Variants in DSCAM observed in about 807,000 individuals in gnomAD.
The protein encoded by DSCAM is cell adhesion molecule DSCAM.
In DSCAM, 47 loss-of-function variants were observed where a neutral mutation model predicts 217.7. The observed-to-expected ratio is 0.22, with a 90% CI of 0.17 to 0.28. The LOEUF is 0.28. Among genes scored for constraint, DSCAM ranks in the 10% least tolerant of loss-of-function variants. DSCAM has a pLI of 1.00. For missense variants in DSCAM, 2,080 were observed against 2,618.3 expected, an observed-to-expected ratio of 0.79 and a Z score of 4.49; for synonymous variants, 1,056 against 1,015.3, an observed-to-expected ratio of 1.04 and a Z score of -0.76.
At chr21:40,483,075 T>A (rs1274335818) in intron 3 of DSCAM, among the ~76,000 whole-genome samples, 1 of 152,254 alleles carries the variant, frequency 6.6e-6, no homozygotes, top group Non-Finnish European at 1.5e-5. Context: ...ACAAATTAGT[T>A]GTGACTAATA....
At chr21:40,597,205 A>G (rs75454244) in intron 3 of DSCAM, among the ~76,000 whole-genome samples, 5,253 of 152,286 alleles carry the variant, frequency 0.034, 250 homozygotes, top group African/African-American at 0.1. Flanking sequence ...GGCTATTACT[A>G]GCTTCAACTA....
chr21:40,141,088 C>T (rs1346142649), intron 18 of DSCAM, among the ~76,000 whole-genome samples: 3 of 152,216 alleles, frequency 2.0e-5, no homozygotes, highest in African/African-American at 4.8e-5. Flanking sequence ...GGCCTATGCT[C>T]GCTGAGCCAG....
intron 10 of DSCAM, among the ~76,000 whole-genome samples, chr21:40,291,460 G>T (rs1339077914): frequency 1.3e-5 from 2 of 152,296 alleles, no homozygotes; most frequent in South Asian, 2.1e-4. Flanking sequence ...GCAGAGCCAG[G>T]TCCTTACAAT....
chr21:40,735,042 A>G (rs757664155), intron 1 of DSCAM, among the ~76,000 whole-genome samples: 11 of 152,232 alleles, frequency 7.2e-5, no homozygotes, highest in Non-Finnish European at 1.6e-4. Context: ...TTTTTAAAAA[A>G]TTGCTAAAGC....
chr21:40,700,949 C>T (rs1201915722), intron 2 of DSCAM, among the ~76,000 whole-genome samples: 1 of 152,046 alleles, frequency 6.6e-6, no homozygotes, highest in African/African-American at 2.4e-5. Flanking sequence ...GTTGGCCGGG[C>T]TGGTCTTGAA....
intron 1 of DSCAM, among the ~76,000 whole-genome samples, chr21:40,826,528 T>C (rs1165845735): frequency 6.6e-6 from 1 of 152,156 alleles, no homozygotes; most frequent in Non-Finnish European, 1.5e-5. Flanking sequence ...AATTCAGCTG[T>C]GAGTTGGCAG....
At chr21:40,808,586 G>C (rs926754541) in intron 1 of DSCAM, among the ~76,000 whole-genome samples, 1 of 150,092 alleles carries the variant, frequency 6.7e-6, no homozygotes, top group African/African-American at 2.5e-5. Flanking sequence ...TGTTCCTCTT[G>C]CTTCAGCCTC....
chr21:40,254,924 G>A (rs940224814), intron 11 of DSCAM, among the ~76,000 whole-genome samples: 39 of 152,014 alleles, frequency 2.6e-4, no homozygotes, highest in African/African-American at 9.4e-4. Flanking sequence ...TTTGGTGCAT[G>A]TTTTAACTGT....
At chr21:40,807,981 G>A (rs892397457) in intron 1 of DSCAM, among the ~76,000 whole-genome samples, 4 of 152,122 alleles carry the variant, frequency 2.6e-5, no homozygotes, top group African/African-American at 9.7e-5. Flanking sequence ...CTACTTCTGG[G>A]CCTAAGTACA....
chr21:40,037,463 T>A (rs2088648136), intron 32 of DSCAM, among the ~76,000 whole-genome samples: 1 of 142,940 alleles, frequency 7.0e-6, no homozygotes, highest in Admixed American at 6.9e-5. Context: ...TTACAAGGGA[T>A]GTGAAGGACC....
intron 11 of DSCAM, among the ~76,000 whole-genome samples, chr21:40,239,950 C>G (rs1005069630): frequency 2.0e-5 from 3 of 152,174 alleles, no homozygotes; most frequent in Non-Finnish European, 4.4e-5. Context: ...TCCATCAGGT[C>G]CTGGCAGGAA....
intron 11 of DSCAM, among the ~76,000 whole-genome samples, chr21:40,221,409 A>T (rs434153): frequency 0.46 from 68,534 of 148,300 alleles, 16,209 homozygotes; most frequent in African/African-American, 0.54. Flanking sequence ...ATATATAAAT[A>T]TATAATATAC....
At chr21:40,770,742 A>G (rs997067262) in intron 1 of DSCAM, among the ~76,000 whole-genome samples, 1 of 152,236 alleles carries the variant, frequency 6.6e-6, no homozygotes, top group Non-Finnish European at 1.5e-5. Flanking sequence ...TTCCAGATGA[A>G]AAAAACTGAG....
At chr21:40,258,861 C>T (rs1266849682) in intron 11 of DSCAM, among the ~76,000 whole-genome samples, 1 of 152,212 alleles carries the variant, frequency 6.6e-6, no homozygotes, top group Non-Finnish European at 1.5e-5. Context: ...GGTCCCGTTC[C>T]AGCCAATGGA....
intron 4 of DSCAM, among the ~76,000 whole-genome samples, chr21:40,362,836 G>A (rs894020074): frequency 2.6e-5 from 4 of 152,066 alleles, no homozygotes; most frequent in Admixed American, 2.0e-4. Flanking sequence ...AAGTATATAT[G>A]TACATATGTG....
chr21:40,637,438 AATATAT>A (rs572148681), intron 3 of DSCAM, among the ~76,000 whole-genome samples: 3 of 15,796 alleles, frequency 1.9e-4, no homozygotes, highest in African/African-American at 9.1e-4. Flanking sequence ...TATAAATATA[AATATAT>A]ATATAAATAT....
chr21:40,453,160 A>G (rs2075735751), intron 3 of DSCAM, among the ~76,000 whole-genome samples: 2 of 151,818 alleles, frequency 1.3e-5, no homozygotes, highest in Admixed American at 1.3e-4. Context: ...TATGTGAATT[A>G]CTGCATAAAA....
intron 3 of DSCAM, among the ~76,000 whole-genome samples, chr21:40,455,380 A>T (rs1259613533): frequency 6.6e-6 from 1 of 152,222 alleles, no homozygotes; most frequent in South Asian, 2.1e-4. Context: ...CTTGAAAGAA[A>T]AAAAGGGAAT....
intron 3 of DSCAM, among the ~76,000 whole-genome samples, chr21:40,500,318 A>G (rs999354342): frequency 1.3e-5 from 2 of 152,294 alleles, no homozygotes; most frequent in Non-Finnish European, 1.5e-5. Flanking sequence ...TGAGTAACAT[A>G]GACATTCTAG....
Sources: gnomAD v4.1 joint callset for allele counts (sites outside exome capture counted in the v4.1 genomes callset) on GRCh38, gnomAD v4.1.1 for gene constraint, MANE v1.5 for transcripts, NCBI Gene and HGNC (gene_info 2026-07-23, HGNC 2026-07-21) for gene names.